Variants in DIAPH2 observed in about 807,000 individuals in gnomAD.
The protein encoded by DIAPH2 is diaphanous related formin 2, also known as protein diaphanous homolog 2.
A neutral mutation model predicts 92.7 loss-of-function variants in DIAPH2; 35 were observed. That is an observed-to-expected ratio of 0.38 (90% CI 0.29 to 0.50). DIAPH2 has a LOEUF of 0.50. Among genes scored for constraint, DIAPH2 ranks in the 20% least tolerant of loss-of-function variants. The pLI is 0.94. For synonymous variants in DIAPH2, 301 were observed against 280.4 expected (o/e 1.07, Z -0.73); for missense variants, 701 against 819.5 (o/e 0.86, Z 1.77).
At chrX:97,511,787 C>T (rs78036531) in intron 26 of DIAPH2, among the ~76,000 whole-genome samples, 3 of 110,743 alleles carry the variant, frequency 2.7e-5, no homozygotes, top group African/African-American at 9.9e-5. Flanking sequence ...TTGTCTTTGA[C>T]TCTGTTTATA....
intron 1 of DIAPH2, among the ~76,000 whole-genome samples, chrX:96,715,302 G>A (rs2063943089): frequency 8.9e-6 from 1 of 111,745 alleles, no homozygotes; most frequent in Non-Finnish European, 1.9e-5. Flanking sequence ...TAGGTAGCAA[G>A]GCATTTATTC....
chrX:97,163,346 C>T (rs945160653), intron 22 of DIAPH2, among the ~76,000 whole-genome samples: 2 of 110,385 alleles, frequency 1.8e-5, no homozygotes, highest in South Asian at 3.9e-4. Context: ...CATGGCACCA[C>T]GCCTGGCTGA....
chrX:97,424,726 C>T (rs1042259412), intron 25 of DIAPH2, among the ~76,000 whole-genome samples: 2 of 111,522 alleles, frequency 1.8e-5, no homozygotes, highest in African/African-American at 3.3e-5. Context: ...GTGACCCTCC[C>T]GCCCCAGCCT....
At chrX:96,709,076 T>G (rs2063903325) in intron 1 of DIAPH2, among the ~76,000 whole-genome samples, 1 of 112,248 alleles carries the variant, frequency 8.9e-6, no homozygotes, top group African/African-American at 3.2e-5. Context: ...GAAAAAAATT[T>G]CATATTTCTT....
rs377126706 is a variant in DIAPH2 at position 97,317,225 on chromosome X, A to G, written c.2845-30891A>G. ...ATCACCACTTTTCTGATTGCAAAGT[A>G]AGTCCTTCAGTCAAATCCATTGTTT... On this transcript the variant is annotated intron_variant, in intron 23 of 26. Coordinates refer to ENST00000324765, the MANE Select transcript of DIAPH2 (RefSeq NM_006729.5). Among the ~76,000 whole-genome samples, 3 of 111,877 alleles carry G rather than the reference A, an allele frequency of 2.7e-5. No homozygotes were observed. The East Asian group carries it at 8.5e-4, about 32-fold the overall frequency.
chrX:97,520,921 T>C (rs1205760346), intron 26 of DIAPH2, among the ~76,000 whole-genome samples: 1 of 112,379 alleles, frequency 8.9e-6, no homozygotes, highest in Non-Finnish European at 1.9e-5. Flanking sequence ...ACTTTCATAC[T>C]GCCTTTGTGT....
chrX:97,416,435 T>C (rs1242281959), intron 25 of DIAPH2, among the ~76,000 whole-genome samples: 1 of 112,327 alleles, frequency 8.9e-6, no homozygotes, highest in Non-Finnish European at 1.9e-5. Flanking sequence ...ATACACCTCT[T>C]CCAAAAGGCT....
chrX:97,009,547 C>T (rs2066209477), intron 17 of DIAPH2, among the ~76,000 whole-genome samples: 1 of 112,429 alleles, frequency 8.9e-6, no homozygotes, highest in African/African-American at 3.2e-5. Context: ...CACCTGAAGC[C>T]AGCATATCCC....
intron 22 of DIAPH2, among the ~76,000 whole-genome samples, chrX:97,169,938 A>T (rs1043031959): frequency 7.1e-5 from 8 of 112,515 alleles, no homozygotes; most frequent in Non-Finnish European, 1.5e-4. Flanking sequence ...ATGGTTTGTG[A>T]GAAAAACAGA....
intron 1 of DIAPH2, 112 bp downstream of exon 1, chrX:96,685,302 C>T: frequency 1.2e-6 from 1 of 846,426 alleles, no homozygotes. Context: ...ACCGCGACCT[C>T]GCTGTGCAAC....
intron 19 of DIAPH2, among the ~76,000 whole-genome samples, chrX:97,086,002 A>G (rs894532868): frequency 9.0e-6 from 1 of 111,570 alleles, no homozygotes; most frequent in Non-Finnish European, 1.9e-5. Flanking sequence ...AAAGACCGTA[A>G]GCAGGATTCC....
rs191582216 is a variant in DIAPH2, at chrX:97,389,184, A to G, written c.3145+5140A>G. Among the ~76,000 whole-genome samples, 9 of 110,675 alleles carry G rather than the reference A, an allele frequency of 8.1e-5. No homozygotes were observed. The East Asian group carries it at 1.7e-3, about 21-fold the overall frequency. ...GAGTAAGTGGTTAAAAATGGAGCCT[A>G]TCGGCCGAGTGCAGAGGCTCACACC... On this transcript the variant is annotated intron_variant, in intron 25 of 26. Transcript: ENST00000324765.
intron 26 of DIAPH2, among the ~76,000 whole-genome samples, chrX:97,550,936 G>A (rs1304099697): frequency 9.0e-6 from 1 of 111,190 alleles, no homozygotes; most frequent in South Asian, 3.9e-4. Context: ...GGAATTAGGA[G>A]TAGCATGAGG....
At chrX:97,445,728 G>A (rs1009739114) in intron 26 of DIAPH2, among the ~76,000 whole-genome samples, 5 of 110,278 alleles carry the variant, frequency 4.5e-5, no homozygotes, top group African/African-American at 9.9e-5. Flanking sequence ...GATTACAGGC[G>A]TGAGCCACCA....
At chrX:97,089,117 G>A (rs1374089930) in intron 19 of DIAPH2, among the ~76,000 whole-genome samples, 1 of 112,164 alleles carries the variant, frequency 8.9e-6, no homozygotes, top group Admixed American at 9.5e-5. Flanking sequence ...ATCGTAAATA[G>A]GGAAGCTTTG....
At chrX:96,902,654 G>A (rs189145887) in intron 5 of DIAPH2, among the ~76,000 whole-genome samples, 67 of 110,838 alleles carry the variant, frequency 6.0e-4, no homozygotes, top group Non-Finnish European at 1.0e-3. Flanking sequence ...AATATATACC[G>A]TTTTTATTTG....
chrX:97,102,116 TCTGA>T (rs2066909744), intron 20 of DIAPH2, among the ~76,000 whole-genome samples: 1 of 112,558 alleles, frequency 8.9e-6, no homozygotes, highest in South Asian at 3.7e-4. Context: ...TCACTGTATC[TCTGA>T]CTGTCTTGCT....
intron 5 of DIAPH2, among the ~76,000 whole-genome samples, chrX:96,894,974 ATTTTTTTTTTTTT>A (rs766131166): frequency 2.4e-4 from 14 of 59,531 alleles, no homozygotes; most frequent in Admixed American, 6.8e-4. Flanking sequence ...GTTTTTCTTA[ATTTTTTTTTTTTT>A]TTTTTTTTTT....
At chrX:97,005,703 C>G (rs1311820356) in intron 17 of DIAPH2, among the ~76,000 whole-genome samples, 1 of 109,926 alleles carries the variant, frequency 9.1e-6, no homozygotes, top group African/African-American at 3.3e-5. Context: ...CCTTGCCCGG[C>G]TAATTTTTTG....
Sources: allele counts gnomAD v4.1 joint callset (sites outside exome capture counted in the v4.1 genomes callset), GRCh38; gene constraint gnomAD v4.1.1; transcripts MANE v1.5; gene names NCBI Gene and HGNC (gene_info 2026-07-23, HGNC 2026-07-21).